Variants in GPA33 observed in about 807,000 individuals in gnomAD.
GPA33 encodes the protein cell surface A33 antigen.
GPA33 carries 27 observed loss-of-function variants against 35.6 expected under a neutral mutation model. The observed-to-expected ratio is 0.76, with a 90% confidence interval of 0.56 to 1.04. The LOEUF is 1.04. GPA33 is among the 50% of genes least tolerant of loss of function. The pLI, the probability that GPA33 is intolerant of heterozygous loss-of-function variation, is 0.00. For missense variants in GPA33, 428 were observed against 411.9 expected (o/e 1.04, Z -0.34); for synonymous variants, 176 against 164.0 (o/e 1.07, Z -0.56).
intron 3 of GPA33, among the ~76,000 whole-genome samples, chr1:167,065,441 C>T (rs1281937167): frequency 6.6e-6 from 1 of 152,160 alleles, no homozygotes; most frequent in African/African-American, 2.4e-5. Context: ...AAGGGGAGGA[C>T]ACACAGTGGA....
intron 4 of GPA33, among the ~76,000 whole-genome samples, chr1:167,056,372 C>A (rs1234634716): frequency 1.3e-5 from 2 of 151,898 alleles, no homozygotes; most frequent in Non-Finnish European, 2.9e-5. Flanking sequence ...CTTTGGAAAT[C>A]AAAAACTCTG....
At chr1:167,072,844 T>C (rs1400851399) in intron 2 of GPA33, among the ~76,000 whole-genome samples, 1 of 151,832 alleles carries the variant, frequency 6.6e-6, no homozygotes, top group Non-Finnish European at 1.5e-5. Flanking sequence ...CATGCTCGTA[T>C]ATGCCCTGCC....
chr1:167,056,037 A>C (rs1295510921), intron 4 of GPA33, among the ~76,000 whole-genome samples, 188 bp from the exon 5 acceptor site: 4 of 152,222 alleles, frequency 2.6e-5, no homozygotes, highest in African/African-American at 7.2e-5. Context: ...TGAAGTGCTC[A>C]GAATTCAGTC....
rs1666762533 is a variant in GPA33, at chr1:167,073,513, CAG to C, written c.68_69del (p.Ser23CysfsTer37). ...CAVRVTVDAI[S>X]VETPQDVLRA... ...CGAAGAACGTCCTGCGGAGTTTCCA[CAG>C]AGATGGCATCGACGGTCACCCTGAC... On this transcript the variant is annotated frameshift_variant, in exon 2 of 7. Transcript: ENST00000367868. LOFTEE classifies it high-confidence loss of function. 1 of 1,613,790 alleles carries C rather than the reference CAG, an allele frequency of 6.2e-7. No individual in the cohort carries two copies. Among genetic ancestry groups the C allele is most frequent in the Non-Finnish European group, 8.5e-7 (1 of 1,179,852 alleles).
At chr1:167,058,072 G>A (rs1295417751) in intron 4 of GPA33, among the ~76,000 whole-genome samples, 1 of 152,152 alleles carries the variant, frequency 6.6e-6, no homozygotes, top group African/African-American at 2.4e-5. Flanking sequence ...GGTGGTGTGC[G>A]CCTCTAGTCC....
intron 3 of GPA33, 29 bp from the exon 4 acceptor site, chr1:167,063,766 C>T: frequency 6.2e-7 from 1 of 1,601,246 alleles, no homozygotes; most frequent in Non-Finnish European, 8.5e-7. Context: ...AAAGAGAAGG[C>T]ATGAGGCAGG....
rs376860574 is a variant in GPA33 at position 167,068,953 on chromosome 1, G to C, written c.384C>G (p.Asn128Lys). The change falls in exon 3 of 7, where the codon AAC (asparagine) becomes AAG (lysine). Residue 128 changes from asparagine (N) to lysine (K), a missense_variant. Transcript: ENST00000367868. ...SVSLMSDLEG[N>K]TKSRVRLLVL... is the part of the protein sequence containing the mutation. ...CCAACAGGCGGACACGTGACTTGGT[G>C]TTGCCCTCCAGGTCTGACATCAGCG... 67 of 1,613,300 alleles carry C rather than the reference G, an allele frequency of 4.2e-5. No homozygotes were observed. The highest frequency in any genetic ancestry group is 5.5e-5 in the Non-Finnish European group (65 of 1,179,962).
At chr1:167,089,675 C>A (rs979049207) in intron 1 of GPA33, among the ~76,000 whole-genome samples, 1 of 152,112 alleles carries the variant, frequency 6.6e-6, no homozygotes, top group Non-Finnish European at 1.5e-5. Flanking sequence ...GGGAAATGCT[C>A]AGAGTCCCAG....
intron 4 of GPA33, among the ~76,000 whole-genome samples, chr1:167,056,659 TACGGTGA>T (rs1459181489): frequency 0.022 from 559 of 25,108 alleles, no homozygotes; most frequent in East Asian, 0.023. Flanking sequence ...GTGTGTGTGG[TACGGTGA>T]GTGTGTGATG....
Position 167,073,393 on chromosome 1 carries a change from T to G in GPA33, c.190A>C (p.Thr64Pro). The change falls in exon 2 of 7, where the codon ACT (threonine) becomes CCT (proline). Residue 64 changes from threonine to proline, a missense_variant. Coordinates refer to ENST00000367868, the MANE Select transcript of GPA33 (RefSeq NM_005814.3). Reference sequence around the variant, plus strand: ...TTGTAAAGTATCCTTACCGTATGAGTGAGGAGGAGCTTATCCCATTGAATA... The same window carrying G: ...TTGTAAAGTATCCTTACCGTATGAGGGAGGAGGAGCTTATCCCATTGAATA... Reference protein sequence around the residue: ...GLIQWDKLLLTHTERVVIWPF... With the variant: ...GLIQWDKLLLPHTERVVIWPF... 5.6e-6 allele frequency: 9 copies of G among 1,613,910 alleles called. No homozygotes were observed. Among genetic ancestry groups the G allele is most frequent in the Non-Finnish European group, 7.6e-6 (9 of 1,179,790 alleles).
chr1:167,065,497 C>T (rs536255058), intron 3 of GPA33, among the ~76,000 whole-genome samples: 16 of 152,336 alleles, frequency 1.1e-4, no homozygotes, highest in African/African-American at 2.9e-4. Flanking sequence ...GTCTCCTCTG[C>T]GTCTTTCTTT....
At chr1:167,060,351 G>A (rs1275079622) in intron 4 of GPA33, among the ~76,000 whole-genome samples, 3 of 152,206 alleles carry the variant, frequency 2.0e-5, no homozygotes, top group Non-Finnish European at 4.4e-5. Context: ...GGGATTACAG[G>A]CATGAGCCAC....
chr1:167,056,691 T>TATGTGAG (rs1666281584), intron 4 of GPA33, among the ~76,000 whole-genome samples: 4 of 2,616 alleles, frequency 1.5e-3, no homozygotes, highest in Admixed American at 3.8e-3. Context: ...TGGTGTGTGG[T>TATGTGAG]GGGTGTGTGG....
intron 3 of GPA33, 52 bp from the exon 4 acceptor site, chr1:167,063,789 A>G (rs749895145): frequency 1.4e-6 from 2 of 1,478,700 alleles, no homozygotes; most frequent in South Asian, 1.2e-5. Flanking sequence ...GGGCTTGGTG[A>G]CAGCCACCCA....
intron 1 of GPA33, among the ~76,000 whole-genome samples, chr1:167,078,194 C>T (rs1307145406): frequency 6.6e-6 from 1 of 152,342 alleles, no homozygotes; most frequent in Admixed American, 6.5e-5. Context: ...AGTCAACCAA[C>T]AAGTATTTAA....
intron 1 of GPA33, among the ~76,000 whole-genome samples, chr1:167,085,504 G>A (rs1261603469): frequency 6.6e-6 from 1 of 152,198 alleles, no homozygotes; most frequent in Non-Finnish European, 1.5e-5. Context: ...AAGGCAAGAT[G>A]AGGATCACAC....
intron 4 of GPA33, 63 bp downstream of exon 4, chr1:167,063,519 G>A: frequency 6.8e-7 from 1 of 1,471,098 alleles, no homozygotes; most frequent in East Asian, 2.3e-5. Flanking sequence ...GCAGCCCCTA[G>A]CCAATCAGCT....
At chr1:167,062,861 G>A (rs1170375776) in intron 4 of GPA33, among the ~76,000 whole-genome samples, 5 of 151,876 alleles carry the variant, frequency 3.3e-5, no homozygotes, top group African/African-American at 7.3e-5. Flanking sequence ...GAGAGGGACC[G>A]GCCTGGATAA....
At chr1:167,061,028 C>T (rs1409506309) in intron 4 of GPA33, among the ~76,000 whole-genome samples, 2 of 152,220 alleles carry the variant, frequency 1.3e-5, no homozygotes. Flanking sequence ...TTCACATCTA[C>T]TTTTATTTAA....
Sources: allele counts gnomAD v4.1 joint callset (sites outside exome capture counted in the v4.1 genomes callset), GRCh38; gene constraint gnomAD v4.1.1; transcripts MANE v1.5; gene names NCBI Gene and HGNC (gene_info 2026-07-23, HGNC 2026-07-21).